The following MAML2 variants were observed in gnomAD, a reference collection of about 807,000 sequenced individuals.
MAML2 encodes the protein mastermind-like protein 2.
Under a neutral mutation model 96.1 loss-of-function variants are expected in MAML2, and 22 were observed. The observed-to-expected ratio is 0.23, with a 90% CI of 0.16 to 0.33. The LOEUF (loss-of-function observed/expected upper bound fraction) is 0.33. Ranked by LOEUF, MAML2 falls within the 10% of genes least tolerant of loss-of-function variation. The pLI is 1.00. For synonymous variants in MAML2, 561 were observed against 521.3 expected, an observed-to-expected ratio of 1.08 and a Z score of -1.04; for missense variants, 1,367 against 1,392.4, an observed-to-expected ratio of 0.98 and a Z score of 0.29.
At chr11:96,267,842 T>C (rs1330663297) in intron 1 of MAML2, among the ~76,000 whole-genome samples, 1 of 152,234 alleles carries the variant, frequency 6.6e-6, no homozygotes, top group Non-Finnish European at 1.5e-5. Flanking sequence ...AATCTGAATC[T>C]GGGGTTTTTT....
At chr11:96,317,302 T>TA (rs991629846) in intron 1 of MAML2, among the ~76,000 whole-genome samples, 1 of 152,122 alleles carries the variant, frequency 6.6e-6, no homozygotes, top group African/African-American at 2.4e-5. Flanking sequence ...TCTTCAAAGC[T>TA]AAAAAATACA....
intron 1 of MAML2, among the ~76,000 whole-genome samples, chr11:96,227,885 T>C (rs562808): frequency 0.45 from 68,478 of 152,010 alleles, 16,177 homozygotes; most frequent in African/African-American, 0.6. Context: ...GCAGATCGCT[T>C]CAGCCCAGAA....
At chr11:96,118,764 A>G (rs1169565954) in intron 1 of MAML2, among the ~76,000 whole-genome samples, 2 of 152,184 alleles carry the variant, frequency 1.3e-5, no homozygotes, top group African/African-American at 4.8e-5. Flanking sequence ...GATGCAAAAA[A>G]ATCTCCTGCC....
chr11:96,321,090 G>A (rs1295114697), intron 1 of MAML2, among the ~76,000 whole-genome samples: 1 of 152,154 alleles, frequency 6.6e-6, no homozygotes, highest in Non-Finnish European at 1.5e-5. Flanking sequence ...CCAGGCCAAG[G>A]TACTTCCACA....
At chr11:96,072,904 G>A (rs1204918935) in intron 2 of MAML2, among the ~76,000 whole-genome samples, 4 of 152,124 alleles carry the variant, frequency 2.6e-5, no homozygotes, top group Non-Finnish European at 5.9e-5. Flanking sequence ...GACTAAACTT[G>A]TCTCATGGTG....
At chr11:96,262,261 T>C (rs1365605739) in intron 1 of MAML2, among the ~76,000 whole-genome samples, 1 of 152,212 alleles carries the variant, frequency 6.6e-6, no homozygotes, top group Admixed American at 6.5e-5. Context: ...ATTCAGTTTT[T>C]TACTTCTCCA....
intron 2 of MAML2, among the ~76,000 whole-genome samples, chr11:96,064,264 G>T (rs1251823409): frequency 6.6e-6 from 1 of 152,206 alleles, no homozygotes; most frequent in Non-Finnish European, 1.5e-5. Flanking sequence ...GATCATCTGT[G>T]TTCCTGGGCA....
chr11:96,004,834 G>C (rs1858151705), intron 2 of MAML2, among the ~76,000 whole-genome samples: 1 of 152,136 alleles, frequency 6.6e-6, no homozygotes, highest in Admixed American at 6.5e-5. Flanking sequence ...TGAGGTGTTT[G>C]CTATGGTTTT....
chr11:96,110,717 A>G (rs1860104852), intron 1 of MAML2, among the ~76,000 whole-genome samples: 1 of 151,956 alleles, frequency 6.6e-6, no homozygotes, highest in African/African-American at 2.4e-5. Flanking sequence ...AGGAACAACA[A>G]AAAAAAATAC....
chr11:96,251,745 T>C (rs1014162408), intron 1 of MAML2, among the ~76,000 whole-genome samples: 7 of 151,854 alleles, frequency 4.6e-5, no homozygotes, highest in African/African-American at 1.2e-4. Flanking sequence ...TTTTTTTTTT[T>C]TTTTGAGACG....
intron 1 of MAML2, among the ~76,000 whole-genome samples, chr11:96,217,573 C>A (rs1331934002): frequency 6.6e-6 from 1 of 152,170 alleles, no homozygotes; most frequent in East Asian, 1.9e-4. Flanking sequence ...CAGACCCAAC[C>A]TTTAAGTCCT....
intron 1 of MAML2, among the ~76,000 whole-genome samples, chr11:96,124,727 A>G (rs1409687386): frequency 6.6e-6 from 1 of 152,184 alleles, no homozygotes; most frequent in Admixed American, 6.5e-5. Flanking sequence ...GAGACTGCAC[A>G]TGAACGGATG....
intron 2 of MAML2, among the ~76,000 whole-genome samples, chr11:95,997,588 T>A (rs913105790): frequency 2.0e-5 from 3 of 152,200 alleles, no homozygotes; most frequent in Non-Finnish European, 4.4e-5. Flanking sequence ...AGTAAAAAGA[T>A]ACTGAAGGGA....
At chr11:96,014,923 G>A (rs2135731066) in intron 2 of MAML2, among the ~76,000 whole-genome samples, 1 of 152,296 alleles carries the variant, frequency 6.6e-6, no homozygotes, top group Admixed American at 6.5e-5. Context: ...TAGCTATCAT[G>A]TGTTGGACAC....
chr11:96,180,818 C>T (rs990681880), intron 1 of MAML2, among the ~76,000 whole-genome samples: 3 of 152,066 alleles, frequency 2.0e-5, no homozygotes, highest in South Asian at 4.2e-4. Flanking sequence ...TGGGTACAGG[C>T]GGGCTGAGTC....
rs543974110 is a variant in MAML2, at chr11:96,086,572, A to G, written c.2139+5320T>C. Among the ~76,000 whole-genome samples the G allele has an allele frequency of 1.5e-4, 23 of 152,298 alleles. No individual in the cohort carries two copies. The South Asian group carries it at 4.6e-3, about 30-fold the overall frequency. The stretch of plus-strand genomic sequence containing the variant: ...CCTGCAATATGATGAAAATAGCTCA[A>G]TTTGAAAACAATCTGATTGTTTAAT... On this transcript the variant is annotated intron_variant, in intron 2 of 4. Coordinates refer to ENST00000524717, the MANE Select transcript of MAML2 (RefSeq NM_032427.4).
intron 1 of MAML2, among the ~76,000 whole-genome samples, chr11:96,095,947 C>T (rs967826156): frequency 2.0e-5 from 3 of 152,156 alleles, no homozygotes; most frequent in Non-Finnish European, 4.4e-5. Context: ...GTGTAGACAT[C>T]ATCACAGAAC....
chr11:96,319,678 T>C (rs1863677148), intron 1 of MAML2, among the ~76,000 whole-genome samples: 1 of 152,308 alleles, frequency 6.6e-6, no homozygotes, highest in South Asian at 2.1e-4. Context: ...TGTGATGTTA[T>C]GGTTATGTGG....
At chr11:96,250,615 T>G (rs1277696696) in intron 1 of MAML2, among the ~76,000 whole-genome samples, 1 of 152,204 alleles carries the variant, frequency 6.6e-6, no homozygotes, top group East Asian at 1.9e-4. Flanking sequence ...TTTGAATGAA[T>G]GAATATATTG....
Sources: allele counts gnomAD v4.1 joint callset (sites outside exome capture counted in the v4.1 genomes callset), GRCh38; gene constraint gnomAD v4.1.1; transcripts MANE v1.5; gene names NCBI Gene and HGNC (gene_info 2026-07-23, HGNC 2026-07-21).